The following NRG3 variants were observed in gnomAD, a reference collection of about 807,000 sequenced individuals.
NRG3 encodes neuregulin 3.
Under a neutral mutation model 66.9 loss-of-function variants are expected in NRG3, and 31 were observed. The observed-to-expected ratio is 0.46, with a 90% CI of 0.35 to 0.63. NRG3 has a LOEUF of 0.63. Ranked by LOEUF, NRG3 falls within the 20% of genes least tolerant of loss-of-function variation. The probability of loss-of-function intolerance (pLI) is 0.00; values close to 1 mark genes in which losing one functional copy is unlikely to be tolerated. For missense variants in NRG3, 910 were observed against 878.9 expected, an observed-to-expected ratio of 1.04 and a Z score of -0.45; for synonymous variants, 393 against 359.4, an observed-to-expected ratio of 1.09 and a Z score of -1.06.
At chr10:82,396,409 A>C (rs7081775) in intron 2 of NRG3, among the ~76,000 whole-genome samples, 62,941 of 152,006 alleles carry the variant, frequency 0.41, 16,214 homozygotes, top group African/African-American at 0.73. Context: ...CCACTTCCAG[A>C]TTTATTACTC....
chr10:81,941,384 A>G (rs1333293443), intron 1 of NRG3, among the ~76,000 whole-genome samples: 2 of 152,052 alleles, frequency 1.3e-5, no homozygotes, highest in Non-Finnish European at 2.9e-5. Context: ...ACCTCACTTG[A>G]AATGTGCATT....
intron 1 of NRG3, among the ~76,000 whole-genome samples, chr10:82,155,375 A>T (rs900799628): frequency 4.0e-5 from 6 of 151,752 alleles, no homozygotes; most frequent in Non-Finnish European, 7.4e-5. Context: ...TATATTGCAG[A>T]TCACTAATAC....
At chr10:82,579,244 T>C (rs1335339776) in intron 2 of NRG3, among the ~76,000 whole-genome samples, 1 of 151,928 alleles carries the variant, frequency 6.6e-6, no homozygotes, top group Non-Finnish European at 1.5e-5. Flanking sequence ...GATTTTTTTT[T>C]TCTACTGGAT....
At chr10:82,630,361 T>C (rs1388782866) in intron 2 of NRG3, among the ~76,000 whole-genome samples, 1 of 150,830 alleles carries the variant, frequency 6.6e-6, no homozygotes, top group Admixed American at 6.6e-5. Flanking sequence ...TTTTCTTTTT[T>C]TTTTTTTTTT....
rs147807070 is a variant in NRG3 at position 82,685,137 on chromosome 10, G to GCC, written c.954-53433_954-53432dup. On this transcript the variant is annotated intron_variant, in intron 2 of 8. Transcript: ENST00000372141. ...TATGTAGATGGCCGAATAGACAGAGGCCCCCCCCAAAACTTAACCACACCC... is the reference window on the plus strand; with the variant it reads ...TATGTAGATGGCCGAATAGACAGAGGCCCCCCCCCCAAAACTTAACCACACCC... 8.7e-4 allele frequency among the ~76,000 whole-genome samples: 132 copies of GCC among 151,466 alleles called. 1 individual carries two copies. Among genetic ancestry groups the GCC allele is most frequent in the African/African-American group, 3.0e-3 (124 of 41,274 alleles).
intron 2 of NRG3, among the ~76,000 whole-genome samples, chr10:82,437,227 T>A (rs1308787427): frequency 6.6e-6 from 1 of 152,022 alleles, no homozygotes; most frequent in Non-Finnish European, 1.5e-5. Flanking sequence ...GGAGGCTTTT[T>A]TCATTCCTTT....
intron 1 of NRG3, among the ~76,000 whole-genome samples, chr10:81,954,146 T>C (rs1224256099): frequency 6.6e-6 from 1 of 152,134 alleles, no homozygotes; most frequent in African/African-American, 2.4e-5. Context: ...TTGAATTCAT[T>C]GTGGATGAGG....
intron 3 of NRG3, among the ~76,000 whole-genome samples, chr10:82,840,021 T>C (rs1022291056): frequency 1.4e-4 from 22 of 152,332 alleles, no homozygotes; most frequent in African/African-American, 5.0e-4. Flanking sequence ...TTTCATTATC[T>C]ATAACATATA....
intron 1 of NRG3, among the ~76,000 whole-genome samples, chr10:82,325,877 A>G (rs927264956): frequency 6.6e-6 from 1 of 152,080 alleles, no homozygotes; most frequent in East Asian, 1.9e-4. Flanking sequence ...ATATAAATAA[A>G]CCTCACAATA....
rs563911557 is a variant in NRG3 at position 82,966,259 on chromosome 10, A to G, written c.1284+7184A>G. Among the ~76,000 whole-genome samples the G allele has an allele frequency of 9.1e-4, 138 of 152,114 alleles. 2 individuals carry two copies. Among genetic ancestry groups the G allele is most frequent in the Non-Finnish European group, 2.4e-4 (16 of 68,030 alleles). ...GTTCTAATCCCAGGTACCGCATTAC[A>G]TCTAATATTCATGTCTCCTTAGGTT... is the stretch of plus-strand genomic sequence containing the variant. On this transcript the variant is annotated intron_variant, in intron 6 of 8. Transcript: ENST00000372141.
chr10:82,304,983 CTTTTTTTTT>C (rs760661674), intron 1 of NRG3, among the ~76,000 whole-genome samples: 7 of 73,834 alleles, frequency 9.5e-5, no homozygotes, highest in African/African-American at 3.8e-4. Context: ...TCAGATTCCT[CTTTTTTTTT>C]TTTTTTTTTT....
At chr10:82,724,590 T>C (rs373917253) in intron 2 of NRG3, among the ~76,000 whole-genome samples, 4 of 152,240 alleles carry the variant, frequency 2.6e-5, no homozygotes, top group African/African-American at 9.6e-5. Flanking sequence ...CCTTCTATGA[T>C]TCAGGCATGT....
intron 2 of NRG3, among the ~76,000 whole-genome samples, chr10:82,658,105 A>G (rs886218631): frequency 6.6e-6 from 1 of 152,160 alleles, no homozygotes; most frequent in African/African-American, 2.4e-5. Flanking sequence ...GAAAATAAAA[A>G]CATAAACCAA....
chr10:82,662,798 A>G lies in NRG3; in HGVS notation c.954-75779A>G, dbSNP rs564011682. Among the ~76,000 whole-genome samples the G allele has an allele frequency of 3.3e-5, 5 of 152,314 alleles. No individual in the cohort carries two copies. In the South Asian group the frequency reaches 1.0e-3, roughly 32 times the overall value. On this transcript the variant is annotated intron_variant, in intron 2 of 8. Transcript: ENST00000372141. ...TCAAATAATTAGAACCTGAGGTAAG[A>G]GTCAACAGCAGGTATAAAGGCTCCA...
intron 3 of NRG3, among the ~76,000 whole-genome samples, chr10:82,782,945 T>C (rs1456528198): frequency 6.6e-6 from 1 of 152,172 alleles, no homozygotes; most frequent in Non-Finnish European, 1.5e-5. Context: ...TGAACATTGA[T>C]GCAAAAATCC....
intron 3 of NRG3, among the ~76,000 whole-genome samples, chr10:82,750,583 A>G (rs1475654539): frequency 6.6e-6 from 1 of 151,984 alleles, no homozygotes; most frequent in East Asian, 1.9e-4. Context: ...GACTTAACTG[A>G]GTGCCAAATT....
At chr10:82,160,276 C>T (rs959283140) in intron 1 of NRG3, among the ~76,000 whole-genome samples, 9 of 151,994 alleles carry the variant, frequency 5.9e-5, no homozygotes, top group Admixed American at 5.9e-4. Flanking sequence ...CACTCTTCTT[C>T]ACCAGTCTGC....
rs996057394 is a variant in NRG3 at position 82,274,123 on chromosome 10, T to C, written c.824-84616T>C. 2.0e-5 allele frequency among the ~76,000 whole-genome samples: 3 copies of C among 152,176 alleles called. No homozygotes were observed. In the East Asian group the frequency reaches 5.8e-4, roughly 29 times the overall value. Reference sequence around the variant, plus strand: ...AGAAAGAATACATTTCTCAGAAATGTCACTTTTATTTTAAAATTAAAAAAA... The same window carrying C: ...AGAAAGAATACATTTCTCAGAAATGCCACTTTTATTTTAAAATTAAAAAAA... On this transcript the variant is annotated intron_variant, in intron 1 of 8. Coordinates refer to ENST00000372141, the MANE Select transcript of NRG3 (RefSeq NM_001010848.4).
intron 4 of NRG3, among the ~76,000 whole-genome samples, chr10:82,908,864 C>A (rs1845023025): frequency 6.6e-6 from 1 of 152,128 alleles, no homozygotes; most frequent in African/African-American, 2.4e-5. Context: ...CTGTGGCAGT[C>A]AGGAGGGAGA....
Sources: allele counts gnomAD v4.1 joint callset (sites outside exome capture counted in the v4.1 genomes callset), GRCh38; gene constraint gnomAD v4.1.1; transcripts MANE v1.5; gene names NCBI Gene and HGNC (gene_info 2026-07-23, HGNC 2026-07-21).